The following NCKAP1L variants were observed in gnomAD, a reference collection of about 807,000 sequenced individuals.
NCKAP1L encodes the protein NCK associated protein 1 like.
NCKAP1L carries 53 observed loss-of-function variants against 139.2 expected under a neutral mutation model. That is an observed-to-expected ratio of 0.38 (90% CI 0.31 to 0.48). NCKAP1L has a LOEUF of 0.48. Among genes scored for constraint, NCKAP1L ranks in the 20% least tolerant of loss-of-function variants. The probability of loss-of-function intolerance (pLI) is 0.98; values close to 1 mark genes in which losing one functional copy is unlikely to be tolerated. For synonymous variants in NCKAP1L, 468 were observed against 499.7 expected (o/e 0.94, Z 0.85); for missense variants, 1,151 against 1,381.9 (o/e 0.83, Z 2.65).
rs147883757 is a variant in NCKAP1L at position 54,531,820 on chromosome 12, C to T, written c.2776C>T (p.Arg926Trp). ...SFRAMAQEGL[R>W]EVFSSHCPFL... ...CAGGGCCATGGCCCAAGAGGGACTT[C>T]GGGAGGTGAGTTGGTGGGGAGGGGT... is the stretch of plus-strand genomic sequence containing the variant. The change falls in exon 25 of 31, where the codon CGG becomes TGG. Residue 926 changes from arginine (R) to tryptophan (W), a missense_variant. Transcript: ENST00000293373. The T allele has an allele frequency of 7.5e-5, 121 of 1,610,034 alleles. No homozygotes were observed. Among genetic ancestry groups the T allele is most frequent in the African/African-American group, 1.6e-4 (12 of 74,824 alleles).
chr12:54,520,670 T>G lies in NCKAP1L; in HGVS notation c.1626-24T>G, dbSNP rs370265026. 165 of 1,614,064 alleles carry G rather than the reference T, an allele frequency of 1.0e-4. 3 individuals are homozygous for G. In the South Asian group the frequency reaches 1.7e-3, roughly 17 times the overall value. ...TACTAATAAGGACTAAATCTTGATT[T>G]AAAGTCTTCCCGTTTCTCTGCAGCT... On this transcript the variant is annotated intron_variant, in intron 16 of 30. Coordinates refer to ENST00000293373, the MANE Select transcript of NCKAP1L (RefSeq NM_005337.5).
Position 54,526,516 on chromosome 12 carries a change from TA to T in NCKAP1L, c.2157-9del. 2.5e-6 allele frequency: 4 copies of T among 1,600,570 alleles called. No individual in the cohort carries two copies. The highest frequency in any genetic ancestry group is 3.4e-6 in the Non-Finnish European group (4 of 1,168,638). ...GATTGTAATTCTAATTTTTTTTTTT[TA>T]AATCACCTAGAGCCATTGTGTGGCT... On this transcript the variant is annotated splice_polypyrimidine_tract_variant and intron_variant, in intron 20 of 30. Transcript: ENST00000293373.
intron 9 of NCKAP1L, among the ~76,000 whole-genome samples, chr12:54,515,028 A>C (rs1001711827): frequency 6.6e-6 from 1 of 152,252 alleles, no homozygotes; most frequent in African/African-American, 2.4e-5. Context: ...TCTTCATGAA[A>C]ATTCAAGAAT....
At chr12:54,504,614 G>A (rs1452848524) in intron 3 of NCKAP1L, among the ~76,000 whole-genome samples, 1 of 152,146 alleles carries the variant, frequency 6.6e-6, no homozygotes, top group Non-Finnish European at 1.5e-5. Context: ...AGGGGAAATA[G>A]GGACATTGAA....
Position 54,531,574 on chromosome 12 carries a change from C to G in NCKAP1L, c.2688C>G (p.Pro896=). 2 of 1,614,112 alleles carry G rather than the reference C, an allele frequency of 1.2e-6. No individual in the cohort carries two copies. Among genetic ancestry groups the G allele is most frequent in the South Asian group, 2.2e-5 (2 of 91,082 alleles). ...CGGACTTGATGGCTTCCCTGCTGCC[C>G]CAGCTGACAGGTAAGCATCCTCTTC... The part of the protein sequence containing the change: ...SKPDLMASLL[P]QLTGAENVLK... Residue 896 remains proline (P), a synonymous_variant, in exon 24 of 31, where the codon CCC becomes CCG. Coordinates refer to ENST00000293373, the MANE Select transcript of NCKAP1L (RefSeq NM_005337.5).
At chr12:54,521,560 G>C (rs978597720) in intron 18 of NCKAP1L, among the ~76,000 whole-genome samples, 2 of 152,044 alleles carry the variant, frequency 1.3e-5, no homozygotes, top group African/African-American at 4.8e-5. Flanking sequence ...TTTGCCCTGC[G>C]TACACATACT....
chr12:54,536,169 G>C lies in NCKAP1L; in HGVS notation c.2997G>C (p.Leu999=). The C allele has an allele frequency of 1.2e-6, 2 of 1,613,486 alleles. No homozygotes were observed. The highest frequency in any genetic ancestry group is 1.7e-6 in the Non-Finnish European group (2 of 1,179,658). ...AGGAGGAATATAAGGTGGCCTGCCTGCTCTTGATCTTTCTGGCAGTTTCCC... is the reference window on the plus strand; with the variant it reads ...AGGAGGAATATAAGGTGGCCTGCCTCCTCTTGATCTTTCTGGCAGTTTCCC... The part of the protein sequence containing the change: ...SPEEEYKVAC[L]LLIFLAVSLP... Residue 999 remains leucine (L), a synonymous_variant, in exon 28 of 31, where the codon CTG becomes CTC. Transcript: ENST00000293373.
rs1956764598 is a variant in NCKAP1L, at chr12:54,498,006, T to A, written c.102+115T>A. The stretch of plus-strand genomic sequence containing the variant: ...ACCTTTTTTTCCACTGCTTTTCCAC[T>A]GACTATAATCTACATAATCACTCAG... On this transcript the variant is annotated intron_variant, in intron 1 of 30. Transcript: ENST00000293373. The A allele has an allele frequency of 4.5e-6, 3 of 666,256 alleles. No homozygotes were observed. In the South Asian group the frequency reaches 5.1e-5, roughly 11 times the overall value. The allele number at this position is 666,256 out of a possible 1,614,324, so 41.3% of individuals were successfully genotyped here. A position where few individuals can be genotyped will look rare whatever the true frequency, so the allele number is the denominator to read the frequency against.
intron 9 of NCKAP1L, among the ~76,000 whole-genome samples, chr12:54,514,901 G>C (rs1464150893): frequency 6.6e-6 from 1 of 152,174 alleles, no homozygotes; most frequent in Non-Finnish European, 1.5e-5. Flanking sequence ...GATGATTACT[G>C]CTTCTAAGGA....
intron 21 of NCKAP1L, among the ~76,000 whole-genome samples, chr12:54,527,976 G>A (rs541486337): frequency 6.6e-6 from 1 of 152,326 alleles, no homozygotes; most frequent in East Asian, 1.9e-4. Flanking sequence ...AAGAGCAGTG[G>A]TTGAGGGAGG....
chr12:54,508,838 C>G (rs958204118), intron 5 of NCKAP1L, among the ~76,000 whole-genome samples: 1 of 152,148 alleles, frequency 6.6e-6, no homozygotes, highest in African/African-American at 2.4e-5. Context: ...GTGGGTTCCG[C>G]AGCACTGACT....
rs898694580 is a variant in NCKAP1L at position 54,509,601 on chromosome 12, A to G, written c.507-68A>G. On this transcript the variant is annotated intron_variant, in intron 5 of 30. Transcript: ENST00000293373. ...GCCTATGCACATATCTTTATCCTAT[A>G]TGCAAACATAAGAGTTCAAGTCATG... 4.7e-6 allele frequency: 5 copies of G among 1,067,444 alleles called. No homozygotes were observed. The African/African-American group carries it at 6.2e-5, about 13-fold the overall frequency. 66.1% of individuals were successfully genotyped at this position (1,067,444 alleles called of 1,614,324 possible).
At chr12:54,513,101 A>G (rs1002828265) in intron 9 of NCKAP1L, among the ~76,000 whole-genome samples, 4 of 152,204 alleles carry the variant, frequency 2.6e-5, no homozygotes, top group Non-Finnish European at 5.9e-5. Context: ...TGACATGATC[A>G]TATTTGCATT....
At chr12:54,524,601 AT>A (rs1158121160) in intron 20 of NCKAP1L, among the ~76,000 whole-genome samples, 4 of 152,156 alleles carry the variant, frequency 2.6e-5, no homozygotes, top group African/African-American at 9.7e-5. Context: ...TATGTAGCTT[AT>A]TCATTCATTC....
chr12:54,525,020 G>A (rs1957016233), intron 20 of NCKAP1L, among the ~76,000 whole-genome samples: 1 of 152,228 alleles, frequency 6.6e-6, no homozygotes, highest in Admixed American at 6.5e-5. Flanking sequence ...GTTCGAACAT[G>A]CCTTCTAGGT....
chr12:54,541,175 C>T (rs759658370), intron 30 of NCKAP1L, among the ~76,000 whole-genome samples: 7 of 152,174 alleles, frequency 4.6e-5, no homozygotes, highest in Non-Finnish European at 8.8e-5. Flanking sequence ...CAGACCAGAT[C>T]CTGGCAATTA....
At chr12:54,502,745 G>T (rs1956809158) in intron 3 of NCKAP1L, among the ~76,000 whole-genome samples, 1 of 149,962 alleles carries the variant, frequency 6.7e-6, no homozygotes, top group South Asian at 2.1e-4. Context: ...CCAACACTTT[G>T]GGAGGCTGAC....
chr12:54,515,579 G>T (rs1397524009), intron 9 of NCKAP1L, among the ~76,000 whole-genome samples: 1 of 152,200 alleles, frequency 6.6e-6, no homozygotes, highest in African/African-American at 2.4e-5. Context: ...TCAGTGAGAG[G>T]TGAGGAAGTA....
rs1555170865 is a variant in NCKAP1L, at chr12:54,506,796, A to ATATAT, written c.307-1057_307-1056insTATAT. ...TTTTGGCAACATATTAAAAAAAAAA[A>ATATAT]ATATATATATATATATATATATATA... On this transcript the variant is annotated intron_variant, in intron 3 of 30. Coordinates refer to ENST00000293373, the MANE Select transcript of NCKAP1L (RefSeq NM_005337.5). Among the ~76,000 whole-genome samples, 188 of 50,606 alleles carry ATATAT rather than the reference A, an allele frequency of 3.7e-3. 4 individuals are homozygous for ATATAT. The highest frequency in any genetic ancestry group is 0.025 in the East Asian group (23 of 936). The allele number at this position is 50,606 out of a possible 152,430, so 33.2% of individuals were successfully genotyped here.
Sources: gnomAD v4.1 joint callset for allele counts (sites outside exome capture counted in the v4.1 genomes callset) on GRCh38, gnomAD v4.1.1 for gene constraint, MANE v1.5 for transcripts, NCBI Gene and HGNC (gene_info 2026-07-23, HGNC 2026-07-21) for gene names.